The following BANK1 variants were observed in gnomAD, a reference collection of about 807,000 sequenced individuals.
BANK1 encodes the protein B cell scaffold protein with ankyrin repeats 1.
A neutral mutation model predicts 94.5 loss-of-function variants in BANK1; 95 were observed. The observed-to-expected ratio is 1.00, with a 90% CI of 0.85 to 1.19. BANK1 has a LOEUF of 1.19. Among genes scored for constraint, BANK1 ranks in the 50% most tolerant of loss-of-function variants. BANK1 has a pLI of 0.00. For missense variants in BANK1, 987 were observed against 932.2 expected (o/e 1.06, Z -0.77); for synonymous variants, 334 against 308.4 (o/e 1.08, Z -0.87).
At chr4:101,838,575 G>A (rs1726917963) in intron 2 of BANK1, among the ~76,000 whole-genome samples, 1 of 152,102 alleles carries the variant, frequency 6.6e-6, no homozygotes, top group Admixed American at 6.6e-5. Context: ...GTGTTAAAGG[G>A]CAGAAACTAT....
intron 5 of BANK1, among the ~76,000 whole-genome samples, chr4:101,882,077 G>A (rs1034380547): frequency 6.6e-6 from 1 of 152,084 alleles, no homozygotes; most frequent in Non-Finnish European, 1.5e-5. Flanking sequence ...AAAGTGTCAT[G>A]GGATTGTTTG....
intron 2 of BANK1, among the ~76,000 whole-genome samples, chr4:101,836,533 G>A (rs556567968): frequency 6.6e-6 from 1 of 152,166 alleles, no homozygotes; most frequent in South Asian, 2.1e-4. Flanking sequence ...AAATATTTCA[G>A]CATTCTCAAC....
chr4:101,909,551 C>CA (rs1294298700), intron 6 of BANK1, among the ~76,000 whole-genome samples: 56 of 151,582 alleles, frequency 3.7e-4, no homozygotes, highest in African/African-American at 7.7e-4. Context: ...CACACACACA[C>CA]ACAAAAAAAT....
intron 1 of BANK1, among the ~76,000 whole-genome samples, chr4:101,805,394 A>G (rs1725517359): frequency 1.3e-5 from 2 of 152,078 alleles, no homozygotes; most frequent in Non-Finnish European, 2.9e-5. Context: ...ATGCTCTTTA[A>G]AGAAAAGGGT....
At chr4:101,902,104 G>A (rs529317835) in intron 6 of BANK1, among the ~76,000 whole-genome samples, 8 of 152,214 alleles carry the variant, frequency 5.3e-5, no homozygotes, top group South Asian at 2.1e-4. Flanking sequence ...CTAAGTATCC[G>A]TTTCTGACTT....
At chr4:101,952,493 A>G (rs1269352600) in intron 7 of BANK1, among the ~76,000 whole-genome samples, 4 of 152,172 alleles carry the variant, frequency 2.6e-5, no homozygotes, top group Admixed American at 6.6e-5. Context: ...AAGGACATTT[A>G]TATTTAGTAA....
At chr4:102,011,486 T>C (rs1020223618) in intron 7 of BANK1, among the ~76,000 whole-genome samples, 3 of 152,184 alleles carry the variant, frequency 2.0e-5, no homozygotes, top group Non-Finnish European at 2.9e-5. Context: ...GCAGTACTGA[T>C]AGAATATGAA....
intron 7 of BANK1, among the ~76,000 whole-genome samples, chr4:101,977,466 G>A (rs962135257): frequency 6.6e-6 from 1 of 152,140 alleles, no homozygotes; most frequent in African/African-American, 2.4e-5. Flanking sequence ...GTCGTTAAAT[G>A]TGACTATTTG....
chr4:101,926,307 C>G (rs188831648), intron 7 of BANK1, among the ~76,000 whole-genome samples: 285 of 151,734 alleles, frequency 1.9e-3, no homozygotes, highest in Non-Finnish European at 3.2e-3. Context: ...TAGCAACACT[C>G]TCTTTGTGAT....
At chr4:101,890,076 T>C (rs114604321) in intron 5 of BANK1, among the ~76,000 whole-genome samples, 96 of 152,286 alleles carry the variant, frequency 6.3e-4, no homozygotes, top group African/African-American at 2.3e-3. Context: ...GTTTTATGCC[T>C]CAGGATATGA....
intron 11 of BANK1, among the ~76,000 whole-genome samples, chr4:102,052,816 G>T (rs577068065): frequency 1.3e-5 from 2 of 152,240 alleles, no homozygotes; most frequent in Non-Finnish European, 1.5e-5. Flanking sequence ...AGAAAAGTTT[G>T]AACTCATAAA....
chr4:101,883,387 C>G (rs1728744240), intron 5 of BANK1, among the ~76,000 whole-genome samples: 1 of 152,150 alleles, frequency 6.6e-6, no homozygotes, highest in South Asian at 2.1e-4. Flanking sequence ...TATTGATTCT[C>G]TACAATTTTT....
intron 7 of BANK1, among the ~76,000 whole-genome samples, chr4:102,006,059 T>C (rs6532981): frequency 0.1 from 15,663 of 152,070 alleles, 1,173 homozygotes; most frequent in African/African-American, 0.21. Context: ...CATACACTAC[T>C]ACACTTTACC....
intron 1 of BANK1, among the ~76,000 whole-genome samples, chr4:101,791,385 T>G (rs7683892): frequency 6.6e-6 from 1 of 151,988 alleles, no homozygotes; most frequent in African/African-American, 2.4e-5. Context: ...CTGCCCGGCC[T>G]GACAAATCCC....
chr4:102,025,100 G>A (rs1285104260), intron 8 of BANK1, 101 bp from the exon 9 acceptor site: 1 of 1,276,728 alleles, frequency 7.8e-7, no homozygotes, highest in East Asian at 2.3e-5. Flanking sequence ...GGTCATAAAA[G>A]TTTTATTAGC....
At chr4:101,953,862 A>T (rs968263734) in intron 7 of BANK1, among the ~76,000 whole-genome samples, 71 of 152,178 alleles carry the variant, frequency 4.7e-4, no homozygotes, top group African/African-American at 1.7e-3. Flanking sequence ...ACCTCCATTT[A>T]TCTTGTACCT....
rs1418136008 is a variant in BANK1 at position 101,905,932 on chromosome 4, G to T, written c.1009+10522G>T. The stretch of plus-strand genomic sequence containing the variant: ...TTTATAGCACTAAAGGAAGGGTATT[G>T]TTCCCCACTTGAAGTGATTTTTTCC... On this transcript the variant is annotated intron_variant, in intron 6 of 16. Transcript: ENST00000322953. Among the ~76,000 whole-genome samples the T allele has an allele frequency of 3.3e-5, 5 of 152,086 alleles. No homozygotes were observed. In the East Asian group the frequency reaches 9.6e-4, roughly 29 times the overall value.
intron 10 of BANK1, among the ~76,000 whole-genome samples, chr4:102,034,943 T>A (rs1023041071): frequency 2.0e-5 from 3 of 152,128 alleles, no homozygotes; most frequent in Non-Finnish European, 4.4e-5. Flanking sequence ...ACCTATAAGA[T>A]CCATGAAGGA....
At chr4:101,999,568 C>A (rs898203841) in intron 7 of BANK1, among the ~76,000 whole-genome samples, 1 of 152,142 alleles carries the variant, frequency 6.6e-6, no homozygotes, top group African/African-American at 2.4e-5. Flanking sequence ...AAAACATTTT[C>A]TAAGAAACTG....
Sources: gnomAD v4.1 joint callset for allele counts (sites outside exome capture counted in the v4.1 genomes callset) on GRCh38, gnomAD v4.1.1 for gene constraint, MANE v1.5 for transcripts, NCBI Gene and HGNC (gene_info 2026-07-23, HGNC 2026-07-21) for gene names.